FHIT: variants seen among roughly 807,000 people sequenced by gnomAD.
FHIT encodes the protein bis(5'-adenosyl)-triphosphatase.
In FHIT, 19 loss-of-function variants were observed where a neutral mutation model predicts 17.9. The observed-to-expected ratio is 1.06, with a 90% CI of 0.74 to 1.56. FHIT has a LOEUF of 1.56. Ranked by LOEUF, FHIT falls within the 40% of genes most tolerant of loss-of-function variation. The pLI, the probability that FHIT is intolerant of heterozygous loss-of-function variation, is 0.00. For synonymous variants in FHIT, 81 were observed against 69.7 expected (o/e 1.16, Z -0.81); for missense variants, 248 against 189.2 (o/e 1.31, Z -1.82).
intron 5 of FHIT, among the ~76,000 whole-genome samples, chr3:60,205,109 A>G (rs969104337): frequency 6.6e-6 from 1 of 151,776 alleles, no homozygotes; most frequent in Non-Finnish European, 1.5e-5. Context: ...AAAAAAAAAA[A>G]TTATATGAGC....
At chr3:60,486,008 G>C (rs2033822757) in intron 5 of FHIT, among the ~76,000 whole-genome samples, 1 of 152,034 alleles carries the variant, frequency 6.6e-6, no homozygotes, top group South Asian at 2.1e-4. Context: ...ATTTGTCTAA[G>C]ACTATATTGA....
intron 5 of FHIT, among the ~76,000 whole-genome samples, chr3:60,267,280 T>TAGTATTTATCTCTGTATCTCTA: frequency 6.6e-6 from 1 of 151,978 alleles, no homozygotes; most frequent in Non-Finnish European, 1.5e-5. Flanking sequence ...AATTATTTTT[T>TAGTATTTATCTCTGTATCTCTA]AGTAACAAGC....
chr3:59,757,867 TCTTATTA>T (rs1159225084), intron 8 of FHIT, among the ~76,000 whole-genome samples: 1 of 152,222 alleles, frequency 6.6e-6, no homozygotes, highest in Non-Finnish European at 1.5e-5. Context: ...TCTGATCCTC[TCTTATTA>T]CTTTCTATTC....
chr3:60,964,530 A>G (rs577801152), intron 3 of FHIT, among the ~76,000 whole-genome samples: 3 of 152,270 alleles, frequency 2.0e-5, no homozygotes, highest in Admixed American at 6.5e-5. Context: ...CCTAGCATCA[A>G]TGGTGTTTAC....
intron 7 of FHIT, among the ~76,000 whole-genome samples, chr3:59,933,029 G>A (rs1221734315): frequency 2.0e-5 from 3 of 151,924 alleles, no homozygotes; most frequent in Non-Finnish European, 4.4e-5. Context: ...AAAACCAATG[G>A]CTGTCTCAAA....
intron 8 of FHIT, among the ~76,000 whole-genome samples, chr3:59,857,146 T>C (rs1702192024): frequency 6.6e-6 from 1 of 152,190 alleles, no homozygotes; most frequent in Admixed American, 6.5e-5. Flanking sequence ...AGGCATGGAA[T>C]GTGTTCACCT....
At chr3:60,608,307 C>A (rs999681233) in intron 4 of FHIT, among the ~76,000 whole-genome samples, 2 of 151,976 alleles carry the variant, frequency 1.3e-5, no homozygotes, top group Admixed American at 1.3e-4. Flanking sequence ...CGGGGGTAAA[C>A]ACAAACACTC....
At chr3:61,130,128 A>G (rs1299638219) in intron 2 of FHIT, among the ~76,000 whole-genome samples, 2 of 152,202 alleles carry the variant, frequency 1.3e-5, no homozygotes, top group African/African-American at 4.8e-5. Flanking sequence ...AGAGATGATA[A>G]CAATAAAAGT....
intron 4 of FHIT, chr3:60,553,514 T>TAGAGAGAG (rs2036634694): frequency 7.4e-6 from 1 of 135,442 alleles, no homozygotes; most frequent in African/African-American, 3.1e-5. Context: ...TATATATATA[T>TAGAGAGAG]ATATATAGAG....
intron 8 of FHIT, among the ~76,000 whole-genome samples, chr3:59,875,169 C>A (rs1355977810): frequency 6.6e-6 from 1 of 152,182 alleles, no homozygotes; most frequent in Non-Finnish European, 1.5e-5. Flanking sequence ...GCAGGGGCCT[C>A]AGACTTGCTT....
intron 2 of FHIT, among the ~76,000 whole-genome samples, chr3:61,108,552 G>A (rs1281598748): frequency 6.6e-6 from 1 of 152,156 alleles, no homozygotes; most frequent in Non-Finnish European, 1.5e-5. Context: ...CCTGGCAAAG[G>A]CATTACCCAT....
chr3:60,696,646 G>A (rs1553700713), intron 4 of FHIT, among the ~76,000 whole-genome samples: 1 of 152,174 alleles, frequency 6.6e-6, no homozygotes, highest in African/African-American at 2.4e-5. Flanking sequence ...AGAGTCTGTG[G>A]ATCAGAGGGC....
chr3:61,128,990 G>A (rs1285414586), intron 2 of FHIT, among the ~76,000 whole-genome samples: 1 of 152,118 alleles, frequency 6.6e-6, no homozygotes, highest in East Asian at 1.9e-4. Flanking sequence ...ATTCTAAGGT[G>A]CAACGTAAGG....
At chr3:60,265,906 A>G (rs1217908558) in intron 5 of FHIT, among the ~76,000 whole-genome samples, 1 of 151,978 alleles carries the variant, frequency 6.6e-6, no homozygotes, top group Non-Finnish European at 1.5e-5. Flanking sequence ...GTCACCTATA[A>G]CTAAAAAAAA....
chr3:60,656,271 T>G (rs2040113744), intron 4 of FHIT, among the ~76,000 whole-genome samples: 1 of 152,146 alleles, frequency 6.6e-6, no homozygotes, highest in Non-Finnish European at 1.5e-5. Context: ...AGAACTAGAT[T>G]TATGGGAAAG....
intron 4 of FHIT, among the ~76,000 whole-genome samples, chr3:60,660,190 A>G (rs2040207210): frequency 6.6e-6 from 1 of 152,180 alleles, no homozygotes; most frequent in Non-Finnish European, 1.5e-5. Flanking sequence ...CCTGGAAGTC[A>G]CTTCAGCTGG....
intron 1 of FHIT, among the ~76,000 whole-genome samples, chr3:61,225,600 G>A (rs879683602): frequency 4.6e-5 from 7 of 152,170 alleles, no homozygotes; most frequent in Non-Finnish European, 7.4e-5. Context: ...TACTTTCTGC[G>A]GTTTCAGTAA....
chr3:59,990,980 C>A (rs534133203), intron 7 of FHIT, among the ~76,000 whole-genome samples: 68 of 152,136 alleles, frequency 4.5e-4, no homozygotes, highest in African/African-American at 1.4e-3. Context: ...TTACATTTTC[C>A]AGTTGTCTAT....
chr3:61,229,806 T>C (rs147994774), intron 1 of FHIT, among the ~76,000 whole-genome samples: 2 of 152,334 alleles, frequency 1.3e-5, no homozygotes, highest in Non-Finnish European at 2.9e-5. Context: ...ATTTATGCAG[T>C]AGGGCTCTCT....
Sources: allele counts gnomAD v4.1 joint callset (sites outside exome capture counted in the v4.1 genomes callset), GRCh38; gene constraint gnomAD v4.1.1; transcripts MANE v1.5; gene names NCBI Gene and HGNC (gene_info 2026-07-23, HGNC 2026-07-21).